Variants in BLTP1 observed in about 807,000 individuals in gnomAD.
The protein encoded by BLTP1 is fragile site-associated protein.
At chr4:122,309,301 T>G in the BLTP1 span, 2 of 1,613,250 alleles carry the variant, frequency 1.2e-6, no homozygotes, top group Non-Finnish European at 1.7e-6. Context: ...CTGGTTCTGC[T>G]TTGGTATTAA....
chr4:122,276,981 T>G, the BLTP1 span: 1 of 966,242 alleles, frequency 1.0e-6, no homozygotes, highest in Non-Finnish European at 1.2e-6. Flanking sequence ...CAGCAGAGAT[T>G]ATGTAAACTG....
At chr4:122,261,754 CT>C in the BLTP1 span, 1 of 978,352 alleles carries the variant, frequency 1.0e-6, no homozygotes, top group Non-Finnish European at 1.2e-6. Flanking sequence ...AATATCTTAC[CT>C]TGGAGAACTT....
the BLTP1 span, among the ~76,000 whole-genome samples, chr4:122,280,408 A>G: frequency 6.6e-6 from 1 of 152,184 alleles, no homozygotes; most frequent in Non-Finnish European, 1.5e-5. Flanking sequence ...TAAATGTTTT[A>G]AAGGGCAGTA....
At chr4:122,289,005 C>T in the BLTP1 span, 10 of 1,383,084 alleles carry the variant, frequency 7.2e-6, no homozygotes, top group Middle Eastern at 1.8e-4. Flanking sequence ...TCTCTTTTTT[C>T]CTCAGTTTAG....
chr4:122,328,397 G>C, the BLTP1 span: 8 of 1,552,658 alleles, frequency 5.2e-6, no homozygotes, highest in Non-Finnish European at 7.1e-6. Flanking sequence ...TAGTATTTCA[G>C]AATCTAGAAA....
chr4:122,299,983 A>T, the BLTP1 span: 2 of 942,858 alleles, frequency 2.1e-6, no homozygotes, highest in African/African-American at 3.5e-5. Flanking sequence ...AGACACATAT[A>T]GTTTATTCTT....
the BLTP1 span, chr4:122,178,317 A>G: frequency 4.7e-6 from 1 of 214,656 alleles, no homozygotes; most frequent in Non-Finnish European, 8.0e-6. Flanking sequence ...ACCTGCATAC[A>G]AATGTCCTGA....
the BLTP1 span, among the ~76,000 whole-genome samples, chr4:122,313,140 T>C: frequency 2.6e-5 from 4 of 152,198 alleles, no homozygotes; most frequent in African/African-American, 9.6e-5. Flanking sequence ...CCATTTTTTT[T>C]CTCATAAAAT....
At chr4:122,241,172 A>AG in the BLTP1 span, among the ~76,000 whole-genome samples, 1 of 152,178 alleles carries the variant, frequency 6.6e-6, no homozygotes, top group Non-Finnish European at 1.5e-5. Context: ...ATTTAGACTT[A>AG]AATTTGAAGG....
the BLTP1 span, among the ~76,000 whole-genome samples, chr4:122,280,515 T>A: frequency 6.6e-6 from 1 of 151,938 alleles, no homozygotes; most frequent in South Asian, 2.1e-4. Flanking sequence ...CTGTAACTAA[T>A]AAAAATACGT....
At chr4:122,275,791 T>A in the BLTP1 span, 1 of 273,440 alleles carries the variant, frequency 3.7e-6, no homozygotes, top group Non-Finnish European at 5.6e-6. Flanking sequence ...TCATTTTCAA[T>A]TGCAATGAAG....
At chr4:122,347,048 A>T in the BLTP1 span, 1 of 812,300 alleles carries the variant, frequency 1.2e-6, no homozygotes, top group Non-Finnish European at 1.5e-6. Flanking sequence ...TTTATAAGTT[A>T]GTTAATTTGT....
the BLTP1 span, among the ~76,000 whole-genome samples, chr4:122,177,489 C>T: frequency 2.6e-5 from 4 of 152,172 alleles, no homozygotes; most frequent in African/African-American, 7.2e-5. Flanking sequence ...CCCGTGGCTT[C>T]CCATCTCACT....
chr4:122,298,646 T>TGTTTGGAACATTATACTTC, the BLTP1 span: 2 of 875,420 alleles, frequency 2.3e-6, no homozygotes, highest in East Asian at 1.2e-4. Flanking sequence ...TACTTACTTC[T>TGTTTGGAACATTATACTTC]GTTTGGAACA....
the BLTP1 span, among the ~76,000 whole-genome samples, chr4:122,321,406 G>A: frequency 1.3e-5 from 2 of 151,752 alleles, no homozygotes; most frequent in East Asian, 3.9e-4. Flanking sequence ...ATACATAAAT[G>A]CGTGTGCACA....
chr4:122,305,474 T>C, the BLTP1 span: 6 of 974,886 alleles, frequency 6.2e-6, no homozygotes, highest in South Asian at 2.8e-4. Context: ...TAGATTTTAA[T>C]CTTTTTTCCT....
the BLTP1 span, among the ~76,000 whole-genome samples, chr4:122,332,779 C>G: frequency 1.7e-5 from 2 of 119,694 alleles, no homozygotes; most frequent in Non-Finnish European, 3.5e-5. Context: ...TATCCCTCCC[C>G]CCTCCCCCCA....
chr4:122,298,222 C>T, the BLTP1 span: 1 of 935,348 alleles, frequency 1.1e-6, no homozygotes, highest in Non-Finnish European at 1.3e-6. Context: ...CTTTCAAAAT[C>T]AGAATCATGT....
chr4:122,332,243 TTTAA>T, the BLTP1 span, among the ~76,000 whole-genome samples: 69 of 152,096 alleles, frequency 4.5e-4, no homozygotes, highest in Non-Finnish European at 7.5e-4. Context: ...TAATAAAATA[TTTAA>T]TTGAGGCTTT....
Sources: gnomAD v4.1 joint callset for allele counts (sites outside exome capture counted in the v4.1 genomes callset) on GRCh38, gnomAD v4.1.1 for gene constraint, MANE v1.5 for transcripts, NCBI Gene and HGNC (gene_info 2026-07-23, HGNC 2026-07-21) for gene names.